Variants in ERC2 observed in about 807,000 individuals in gnomAD.
The protein encoded by ERC2 is ELKS/RAB6-interacting/CAST family member 2.
In ERC2, 42 loss-of-function variants were observed where a neutral mutation model predicts 114.8. That is an observed-to-expected ratio of 0.37 (90% CI 0.29 to 0.47). ERC2 has a LOEUF of 0.47. ERC2 is among the 20% of genes least tolerant of loss of function. The pLI, the probability that ERC2 is intolerant of heterozygous loss-of-function variation, is 0.99. For synonymous variants in ERC2, 454 were observed against 425.5 expected, an observed-to-expected ratio of 1.07 and a Z score of -0.82; for missense variants, 939 against 1,150.7, an observed-to-expected ratio of 0.82 and a Z score of 2.66.
intron 3 of ERC2, among the ~76,000 whole-genome samples, chr3:56,216,364 C>A (rs2049471560): frequency 6.6e-6 from 1 of 152,182 alleles, no homozygotes; most frequent in Non-Finnish European, 1.5e-5. Flanking sequence ...ACTACAAACA[C>A]CTCTACACAA....
At chr3:56,394,758 C>T (rs1031065352) in intron 2 of ERC2, among the ~76,000 whole-genome samples, 1 of 152,168 alleles carries the variant, frequency 6.6e-6, no homozygotes. Context: ...CCCTTTTACA[C>T]TGCTGGTGGA....
At chr3:56,137,893 G>A (rs1035699497) in intron 6 of ERC2, among the ~76,000 whole-genome samples, 1 of 152,146 alleles carries the variant, frequency 6.6e-6, no homozygotes, top group Non-Finnish European at 1.5e-5. Flanking sequence ...TGGCTACAGT[G>A]TTAACACACA....
chr3:55,642,770 T>C (rs1261309367), intron 17 of ERC2, among the ~76,000 whole-genome samples: 1 of 152,196 alleles, frequency 6.6e-6, no homozygotes, highest in Non-Finnish European at 1.5e-5. Context: ...TGGAGGAGTT[T>C]GCTTGTTAAA....
chr3:55,629,706 T>C lies in ERC2; in HGVS notation c.*39+54088A>G, dbSNP rs139075104. The stretch of plus-strand genomic sequence containing the variant: ...ACATAGATAAGGTACTTCTCATGAA[T>C]AGATGTTCTACTGAAGACAGGCAAA... On this transcript the variant is annotated intron_variant, in intron 17 of 17. Transcript: ENST00000288221. Among the ~76,000 whole-genome samples the C allele has an allele frequency of 1.3e-3, 195 of 152,334 alleles. 1 individual carries two copies. Among genetic ancestry groups the C allele is most frequent in the African/African-American group, 4.6e-3 (191 of 41,570 alleles).
intron 13 of ERC2, among the ~76,000 whole-genome samples, chr3:55,915,759 C>T (rs756451562): frequency 6.6e-6 from 1 of 152,114 alleles, no homozygotes; most frequent in African/African-American, 2.4e-5. Flanking sequence ...TCGAGGGGAG[C>T]TGACTTAATT....
chr3:56,264,711 A>G (rs2053175318), intron 3 of ERC2, among the ~76,000 whole-genome samples: 1 of 152,056 alleles, frequency 6.6e-6, no homozygotes, highest in Admixed American at 6.5e-5. Flanking sequence ...AAAGCCCTAT[A>G]AAGACCCCAT....
At chr3:56,115,507 ACCC>A (rs1304177457) in intron 6 of ERC2, among the ~76,000 whole-genome samples, 1 of 152,156 alleles carries the variant, frequency 6.6e-6, no homozygotes, top group Admixed American at 6.5e-5. Context: ...AGCTACCCTT[ACCC>A]TAGGGCTCAG....
rs377254745 is a variant in ERC2 at position 55,960,099 on chromosome 3, C to G, written c.2268-9539G>C. ...TGGACCACAGGTCTCTTCTTGCCTC[C>G]CTGGTCTCCCTGCTTCCACTCTTGC... is the stretch of plus-strand genomic sequence containing the variant. On this transcript the variant is annotated intron_variant, in intron 12 of 17. Coordinates refer to ENST00000288221, the MANE Select transcript of ERC2 (RefSeq NM_015576.3). 4.3e-4 allele frequency among the ~76,000 whole-genome samples: 66 copies of G among 152,288 alleles called. No individual in the cohort carries two copies. The South Asian group carries it at 0.013, about 30-fold the overall frequency.
At chr3:56,458,877 G>A (rs1459622830) in intron 1 of ERC2, among the ~76,000 whole-genome samples, 2 of 152,104 alleles carry the variant, frequency 1.3e-5, no homozygotes, top group Non-Finnish European at 2.9e-5. Context: ...TGCTCCTCTC[G>A]GAACCCGCCC....
rs375331465 is a variant in ERC2 at position 56,139,493 on chromosome 3, T to C, written c.1473+16A>G. ...TCAATGTCTCTGCTGTCTAGAATCC[T>C]GAGAGAGTGCCTTACCTCAGTCTGA... On this transcript the variant is annotated intron_variant, in intron 6 of 17. Transcript: ENST00000288221. The C allele has an allele frequency of 4.9e-5, 78 of 1,602,606 alleles. No homozygotes were observed. The African/African-American group carries it at 9.0e-4, about 18-fold the overall frequency.
At chr3:55,608,573 C>A (rs2058747358) in intron 17 of ERC2, among the ~76,000 whole-genome samples, 3 of 152,182 alleles carry the variant, frequency 2.0e-5, no homozygotes, top group Non-Finnish European at 1.5e-5. Context: ...AGATAATCAT[C>A]CCCAAATCAC....
rs151050161 is a variant in ERC2 at position 55,745,458 on chromosome 3, G to C, written c.2565-10540C>G. Among the ~76,000 whole-genome samples, 463 of 152,250 alleles carry C rather than the reference G, an allele frequency of 3.0e-3. 2 individuals are homozygous for C. Among genetic ancestry groups the C allele is most frequent in the African/African-American group, 0.01 (427 of 41,524 alleles). ...ATTGGTAAATCTAGGAAGCAGGGAG[G>C]GTGAGTGAAATGAAGGGACTTCCAT... On this transcript the variant is annotated intron_variant, in intron 14 of 17. Coordinates refer to ENST00000288221, the MANE Select transcript of ERC2 (RefSeq NM_015576.3).
intron 17 of ERC2, among the ~76,000 whole-genome samples, chr3:55,609,908 T>C (rs2058814674): frequency 6.6e-6 from 1 of 151,934 alleles, no homozygotes; most frequent in Non-Finnish European, 1.5e-5. Context: ...CACCCTGCAC[T>C]TTGCCCTGCT....
chr3:56,015,043 G>A (rs2073211381), intron 8 of ERC2, among the ~76,000 whole-genome samples: 1 of 152,016 alleles, frequency 6.6e-6, no homozygotes, highest in Non-Finnish European at 1.5e-5. Flanking sequence ...TGTTTAAATT[G>A]TTACAGGATT....
chr3:55,539,805 G>A (rs1247873894), intron 17 of ERC2, among the ~76,000 whole-genome samples: 1 of 151,832 alleles, frequency 6.6e-6, no homozygotes, highest in Non-Finnish European at 1.5e-5. Flanking sequence ...CCCAGAATTG[G>A]CCAAATGTTT....
chr3:55,751,043 A>G (rs1575482100), intron 14 of ERC2, among the ~76,000 whole-genome samples: 2 of 152,346 alleles, frequency 1.3e-5, no homozygotes, highest in South Asian at 2.1e-4. Flanking sequence ...ATTTTTTCCT[A>G]TGATTGGTCC....
intron 14 of ERC2, among the ~76,000 whole-genome samples, chr3:55,757,833 T>C (rs1255809294): frequency 1.3e-5 from 2 of 152,136 alleles, no homozygotes; most frequent in Non-Finnish European, 2.9e-5. Context: ...TCTTAGTGAG[T>C]ATTAACTGTT....
At chr3:56,266,993 T>TTATCC (rs753340355) in intron 3 of ERC2, among the ~76,000 whole-genome samples, 13 of 152,166 alleles carry the variant, frequency 8.5e-5, no homozygotes, top group Non-Finnish European at 1.8e-4. Flanking sequence ...GACAGATAAA[T>TTATCC]GGATAAAGGA....
intron 17 of ERC2, among the ~76,000 whole-genome samples, chr3:55,566,220 C>T (rs1002198262): frequency 2.0e-5 from 3 of 152,138 alleles, no homozygotes; most frequent in African/African-American, 4.8e-5. Context: ...GTCCTATCTG[C>T]GATTGTATAG....
Sources: gnomAD v4.1 joint callset for allele counts (sites outside exome capture counted in the v4.1 genomes callset) on GRCh38, gnomAD v4.1.1 for gene constraint, MANE v1.5 for transcripts, NCBI Gene and HGNC (gene_info 2026-07-23, HGNC 2026-07-21) for gene names.